TUBGCP5: variants seen among roughly 807,000 people sequenced by gnomAD.
TUBGCP5 encodes tubulin gamma complex component 5.
In TUBGCP5, 98 loss-of-function variants were observed where a neutral mutation model predicts 134.7. The ratio of observed to expected loss-of-function variants is 0.73; its 90% CI spans 0.62 to 0.86. TUBGCP5 has a LOEUF of 0.86. TUBGCP5 is among the 40% of genes least tolerant of loss of function. The pLI, the probability that TUBGCP5 is intolerant of heterozygous loss-of-function variation, is 0.00. For synonymous variants in TUBGCP5, 456 were observed against 431.4 expected, an observed-to-expected ratio of 1.06 and a Z score of -0.71; for missense variants, 1,150 against 1,244.8, an observed-to-expected ratio of 0.92 and a Z score of 1.15.
intron 9 of TUBGCP5, 108 bp from the exon 10 acceptor site, chr15:23,024,301 T>G (rs1307198762): frequency 2.3e-6 from 3 of 1,283,030 alleles, no homozygotes; most frequent in East Asian, 4.7e-5. Flanking sequence ...TTAAACAGTA[T>G]GTTTAGTAGA....
intron 21 of TUBGCP5, among the ~76,000 whole-genome samples, chr15:23,002,544 C>G (rs1200680524): frequency 6.6e-6 from 1 of 152,170 alleles, no homozygotes; most frequent in Non-Finnish European, 1.5e-5. Context: ...GTGTGAATAA[C>G]AAACACTCTC....
intron 16 of TUBGCP5, 169 bp downstream of exon 16, chr15:23,008,530 T>C: frequency 1.2e-6 from 1 of 837,842 alleles, no homozygotes; most frequent in South Asian, 1.5e-5. Context: ...AGTGCTGGCA[T>C]TACAGGTGTG....
At chr15:23,031,464 G>A (rs925939114) in intron 5 of TUBGCP5, among the ~76,000 whole-genome samples, 2 of 151,906 alleles carry the variant, frequency 1.3e-5, no homozygotes, top group African/African-American at 4.8e-5. Context: ...TTACAGGCGT[G>A]TACCACCACA....
intron 19 of TUBGCP5, 118 bp downstream of exon 19, chr15:23,005,314 A>G: frequency 8.5e-7 from 1 of 1,174,720 alleles, no homozygotes; most frequent in Non-Finnish European, 1.2e-6. Context: ...AATTTGCTAC[A>G]TGTCCCGTTT....
At chr15:23,012,117 A>C (rs2065071345) in intron 13 of TUBGCP5, among the ~76,000 whole-genome samples, 1 of 144,220 alleles carries the variant, frequency 6.9e-6, no homozygotes, top group Non-Finnish European at 1.5e-5. Flanking sequence ...ACCTGACTCA[A>C]AAAAAAAAAA....
At chr15:22,988,127 C>T (rs1026864647) in intron 23 of TUBGCP5, among the ~76,000 whole-genome samples, 3 of 115,754 alleles carry the variant, frequency 2.6e-5, no homozygotes, top group Non-Finnish European at 3.7e-5. Context: ...GGAGTCCTGA[C>T]GGACTAAGAC....
intron 18 of TUBGCP5, 133 bp downstream of exon 18, chr15:23,005,919 T>TA (rs2064683053): frequency 9.8e-7 from 1 of 1,019,502 alleles, no homozygotes; most frequent in Non-Finnish European, 1.4e-6. Flanking sequence ...TGTGTACACA[T>TA]AAAAAATGAT....
chr15:22,988,586 A>G (rs1247914465), intron 23 of TUBGCP5, among the ~76,000 whole-genome samples: 1 of 151,376 alleles, frequency 6.6e-6, no homozygotes, highest in African/African-American at 2.4e-5. Context: ...TACAAAAAAA[A>G]TTAGCCGGGC....
intron 23 of TUBGCP5, among the ~76,000 whole-genome samples, chr15:22,989,458 A>G (rs2063782858): frequency 8.0e-6 from 1 of 124,496 alleles, no homozygotes; most frequent in African/African-American, 2.9e-5. Context: ...CAATAAAAAG[A>G]CCACCACAAC....
chr15:23,008,566 C>G, intron 16 of TUBGCP5, 133 bp downstream of exon 16: 1 of 1,207,586 alleles, frequency 8.3e-7, no homozygotes, highest in Non-Finnish European at 1.2e-6. Flanking sequence ...CCTCCATTTT[C>G]TAATAAGTAA....
In TUBGCP5 at chr15:23,013,876, C is replaced by T. The variant is rs1447904026; in HGVS notation, c.1757-2545G>A. On this transcript the variant is annotated intron_variant, in intron 13 of 22. Coordinates refer to ENST00000615383, the MANE Select transcript of TUBGCP5 (RefSeq NM_052903.6). The surrounding 1 kb of genome is among the most constrained non-coding windows in gnomAD (Gnocchi z 4.5). ...CTCTGGGCCAGTAGCTGCTGCACCT[C>T]TCCTGCACCCCAGCCACTGGGGCTC... 6.6e-6 allele frequency among the ~76,000 whole-genome samples: 1 copy of T among 152,186 alleles called. No individual in the cohort carries two copies. The highest frequency in any genetic ancestry group is 1.5e-5 in the Non-Finnish European group (1 of 68,024).
intron 21 of TUBGCP5, among the ~76,000 whole-genome samples, chr15:23,001,501 G>A (rs1453764727): frequency 1.3e-5 from 2 of 150,314 alleles, no homozygotes; most frequent in African/African-American, 4.9e-5. Context: ...GCACCACCAC[G>A]CCTGGCTAAT....
In TUBGCP5 at chr15:23,037,017, G is replaced by A; in HGVS notation, c.201-12C>T. 1 of 1,594,166 alleles carries A rather than the reference G, an allele frequency of 6.3e-7. No homozygotes were observed. The highest frequency in any genetic ancestry group is 1.2e-5 in the South Asian group (1 of 86,846). ...ATTTTTCATAAATTCTAAAATATAA[G>A]AAAAGATTATAAAGCTATCTTAAAA... is the stretch of plus-strand genomic sequence containing the variant. On this transcript the variant is annotated splice_polypyrimidine_tract_variant and intron_variant, in intron 2 of 22. Coordinates refer to ENST00000615383, the MANE Select transcript of TUBGCP5 (RefSeq NM_052903.6).
intron 4 of TUBGCP5, among the ~76,000 whole-genome samples, chr15:23,032,411 A>G (rs1023179404): frequency 6.6e-6 from 1 of 152,196 alleles, no homozygotes; most frequent in African/African-American, 2.4e-5. Flanking sequence ...TAGATTACTT[A>G]TAATACCTAA....
intron 23 of TUBGCP5, among the ~76,000 whole-genome samples, chr15:22,986,145 A>AT (rs35522741): frequency 0.021 from 1,852 of 87,882 alleles, 12 homozygotes; most frequent in African/African-American, 0.032. Flanking sequence ...AAAAAAAAAA[A>AT]AAAATAATAA....
intron 4 of TUBGCP5, 41 bp from the exon 5 acceptor site, chr15:23,032,070 T>C (rs1378785588): frequency 4.0e-6 from 6 of 1,492,500 alleles, no homozygotes; most frequent in Middle Eastern, 1.8e-4. Context: ...TTATTATATC[T>C]ATCTTTGAAA....
At chr15:23,004,477 T>G in intron 19 of TUBGCP5, 2 of 436,306 alleles carry the variant, frequency 4.6e-6, no homozygotes, top group Non-Finnish European at 8.0e-6. Flanking sequence ...CGCCAAACTC[T>G]GGACTAACAG....
intron 3 of TUBGCP5, among the ~76,000 whole-genome samples, chr15:23,035,210 T>G (rs914297969): frequency 3.3e-5 from 5 of 151,574 alleles, no homozygotes; most frequent in Non-Finnish European, 7.4e-5. Context: ...GCACCTGTAA[T>G]CCCAGCTACT....
chr15:23,023,489 T>C (rs1002622300), intron 10 of TUBGCP5: 2 of 161,420 alleles, frequency 1.2e-5, no homozygotes, highest in Non-Finnish European at 2.7e-5. Context: ...GACACGACCA[T>C]ATGATGAAAC....
Sources: allele counts gnomAD v4.1 joint callset (sites outside exome capture counted in the v4.1 genomes callset), GRCh38; gene constraint gnomAD v4.1.1; non-coding constraint Gnocchi (gnomAD v3.1); transcripts MANE v1.5; gene names NCBI Gene and HGNC (gene_info 2026-07-23, HGNC 2026-07-21).